HIVEP3: variants seen among roughly 807,000 people sequenced by gnomAD.
HIVEP3 encodes HIVEP zinc finger 3, also known as transcription factor HIVEP3.
Under a neutral mutation model 152.8 loss-of-function variants are expected in HIVEP3, and 49 were observed. The ratio of observed to expected loss-of-function variants is 0.32; its 90% CI spans 0.26 to 0.41. The LOEUF (loss-of-function observed/expected upper bound fraction) is 0.41. HIVEP3 is among the 10% of genes least tolerant of loss of function. HIVEP3 has a pLI of 1.00. For missense variants in HIVEP3, 2,790 were observed against 3,103.3 expected, an observed-to-expected ratio of 0.90 and a Z score of 2.40; for synonymous variants, 1,269 against 1,289.0, an observed-to-expected ratio of 0.98 and a Z score of 0.33.
At chr1:41,951,222 C>T (rs1270121425) in intron 1 of HIVEP3, among the ~76,000 whole-genome samples, 1 of 152,188 alleles carries the variant, frequency 6.6e-6, no homozygotes, top group Non-Finnish European at 1.5e-5. Flanking sequence ...GGAAAACAAG[C>T]TTACACTTCT....
Position 41,664,855 on chromosome 1 carries a change from A to G in HIVEP3, c.-720-35908T>C, listed in dbSNP as rs1645769863. ...CTGCAGCCATCAGGGAGCCTGGGAT[A>G]TCCCCATGCCAACCCCCCAAAACAC... On this transcript the variant is annotated intron_variant, in intron 2 of 8. Coordinates refer to ENST00000372583, the MANE Select transcript of HIVEP3 (RefSeq NM_024503.5). The surrounding 1 kb of genome is among the most constrained non-coding windows in gnomAD (Gnocchi z 4.4). Among the ~76,000 whole-genome samples, 1 of 152,160 alleles carries G rather than the reference A, an allele frequency of 6.6e-6. No homozygotes were observed. Among genetic ancestry groups the G allele is most frequent in the South Asian group, 2.1e-4 (1 of 4,822 alleles).
chr1:41,747,219 G>A (rs1014227532), intron 1 of HIVEP3, among the ~76,000 whole-genome samples: 13 of 152,338 alleles, frequency 8.5e-5, no homozygotes, highest in African/African-American at 2.6e-4. Context: ...AGGGCAGTGA[G>A]GGTGAGGGGT....
Position 41,580,942 on chromosome 1 carries a change from G to T in HIVEP3, c.3856C>A (p.Arg1286=), listed in dbSNP as rs12132697. The change falls in exon 4 of 9, where the codon CGG becomes AGG. Residue 1286 remains arginine, a synonymous_variant. Transcript: ENST00000372583. ...GCTGGGGGAGCCACAGGGGGTAGCCGGATGTCACTGCTGTACTCTGTGCTG... is the reference window on the plus strand; with the variant it reads ...GCTGGGGGAGCCACAGGGGGTAGCCTGATGTCACTGCTGTACTCTGTGCTG... ...SPSTEYSSDI[R]LPPVAPPASS... 381,619 of 1,611,188 alleles carry T rather than the reference G, an allele frequency of 0.24. 48,896 individuals carry two copies. The highest frequency in any genetic ancestry group is 0.27 in the Non-Finnish European group (317,444 of 1,178,728).
intron 1 of HIVEP3, among the ~76,000 whole-genome samples, chr1:41,824,784 T>TATATATAGAGAGAGAGAGAG (rs1553266584): frequency 8.8e-5 from 1 of 11,392 alleles, no homozygotes; most frequent in Non-Finnish European, 1.6e-4. Flanking sequence ...TATATATATA[T>TATATATAGAGAGAGAGAGAG]AGAGAGAGAG....
chr1:41,948,621 A>G (rs1436585657), intron 1 of HIVEP3, among the ~76,000 whole-genome samples: 7 of 152,172 alleles, frequency 4.6e-5, no homozygotes, highest in African/African-American at 1.7e-4. Context: ...CAGGAAACCA[A>G]GTCCCAGTAC....
At chr1:41,812,643 C>T (rs1469703658) in intron 1 of HIVEP3, among the ~76,000 whole-genome samples, 2 of 151,636 alleles carry the variant, frequency 1.3e-5, no homozygotes, top group Non-Finnish European at 2.9e-5. Flanking sequence ...CGCATTTATC[C>T]TGGGAAGGGA....
intron 1 of HIVEP3, among the ~76,000 whole-genome samples, chr1:41,956,111 C>T (rs1011953817): frequency 6.6e-6 from 1 of 152,244 alleles, no homozygotes; most frequent in Non-Finnish European, 1.5e-5. Flanking sequence ...CTAATGTCAA[C>T]TACTTCTTGG....
chr1:41,562,626 TCTCTCTCC>T lies in HIVEP3; in HGVS notation c.5207+12910_5207+12917del, dbSNP rs1477948293. On this transcript the variant is annotated intron_variant, in intron 5 of 8. Coordinates refer to ENST00000372583, the MANE Select transcript of HIVEP3 (RefSeq NM_024503.5). The stretch of plus-strand genomic sequence containing the variant: ...TTCTCTCTCTCTCTCTCTCTCTCTC[TCTCTCTCC>T]CTCTCTCTCTCTTTCTTTCTTTCTT... Among the ~76,000 whole-genome samples the T allele has an allele frequency of 2.2e-3, 253 of 112,696 alleles. 1 individual carries two copies. The highest frequency in any genetic ancestry group is 9.5e-3 in the African/African-American group (236 of 24,734). The allele number at this position is 112,696 out of a possible 152,430, so 73.9% of individuals were successfully genotyped here.
chr1:42,010,331 C>G (rs1645485796), intron 1 of HIVEP3, among the ~76,000 whole-genome samples: 1 of 152,178 alleles, frequency 6.6e-6, no homozygotes, highest in African/African-American at 2.4e-5. Context: ...TGTTGTTGAT[C>G]TCCCTCAGAT....
intron 1 of HIVEP3, among the ~76,000 whole-genome samples, chr1:42,006,516 A>T (rs1645460139): frequency 6.6e-6 from 1 of 151,838 alleles, no homozygotes; most frequent in Admixed American, 6.6e-5. Context: ...ACCTCATTAC[A>T]TGTTAACATA....
At chr1:41,526,509 C>T (rs565374180) in intron 5 of HIVEP3, among the ~76,000 whole-genome samples, 12 of 127,500 alleles carry the variant, frequency 9.4e-5, no homozygotes, top group Non-Finnish European at 1.9e-4. Flanking sequence ...ACACCCCTGC[C>T]GTCACACTTG....
At chr1:41,803,914 C>T (rs1187002426) in intron 1 of HIVEP3, among the ~76,000 whole-genome samples, 1 of 152,174 alleles carries the variant, frequency 6.6e-6, no homozygotes, top group Non-Finnish European at 1.5e-5. Flanking sequence ...AACCGCCTAT[C>T]GATTATGTTC....
At chr1:41,924,448 A>G (rs1455046875) in intron 1 of HIVEP3, among the ~76,000 whole-genome samples, 1 of 152,198 alleles carries the variant, frequency 6.6e-6, no homozygotes, top group Non-Finnish European at 1.5e-5. Flanking sequence ...ATTATTGCCA[A>G]CAACAATACT....
chr1:41,838,118 T>A (rs1643180389), intron 1 of HIVEP3, among the ~76,000 whole-genome samples: 2 of 152,172 alleles, frequency 1.3e-5, no homozygotes, highest in African/African-American at 4.8e-5. Context: ...ATATATATAT[T>A]TTAATTGAAC....
chr1:41,654,320 CCTT>C (rs201069185), intron 2 of HIVEP3, among the ~76,000 whole-genome samples: 2,439 of 145,202 alleles, frequency 0.017, 32 homozygotes, highest in Non-Finnish European at 0.022. Context: ...TAATTTTGCT[CCTT>C]CTCACACAGG....
At chr1:41,684,366 G>A (rs1406229785) in intron 2 of HIVEP3, among the ~76,000 whole-genome samples, 1 of 152,216 alleles carries the variant, frequency 6.6e-6, no homozygotes, top group Non-Finnish European at 1.5e-5. Flanking sequence ...TCCTTCCCAA[G>A]GCTGCAGCTG....
rs766219109 is a variant in HIVEP3, at chr1:41,580,186, A to G, written c.4612T>C (p.Ser1538Pro). Residue 1538 changes from serine (S) to proline (P), a missense_variant, in exon 4 of 9, where the codon TCT becomes CCT. Physicochemically the swap from Ser to Pro is moderately conservative, Grantham distance 74. Coordinates refer to ENST00000372583, the MANE Select transcript of HIVEP3 (RefSeq NM_024503.5). ...SEALKEYPQP[S>P]GKPHRRGLTP... ...AACCCTCTTCGGTGAGGTTTGCCAG[A>G]TGGCTGGGGATATTCCTTCAAAGCT... 1.2e-6 allele frequency: 2 copies of G among 1,612,248 alleles called. No homozygotes were observed. The highest frequency in any genetic ancestry group is 3.3e-5 in the Admixed American group (2 of 59,882).
rs74321079 is a variant in HIVEP3, at chr1:41,581,082, A to G, written c.3716T>C (p.Phe1239Ser). ...PTSSALSSGF[F>S]LPLQSQFALQ... ...TGCAAACTGGGATTGCAGAGGCAGG[A>G]AAAACCCAGAAGACAGTGCTGAGGA... The change falls in exon 4 of 9, where the codon TTC (phenylalanine) becomes TCC (serine). Residue 1239 changes from phenylalanine (F) to serine (S), a missense_variant. Physicochemically the swap from Phe to Ser is radical, Grantham distance 155. Around this residue, in one of 9 missense-constraint regions of HIVEP3, gnomAD observed 1,078 missense variants for 1,165.3 expected, o/e 0.93. Transcript: ENST00000372583. This position sits in a 1 kb window ranked among gnomAD's most constrained non-coding sequence, Gnocchi z 4.5. 5 of 1,558,504 alleles carry G rather than the reference A, an allele frequency of 3.2e-6. No individual in the cohort carries two copies. The highest frequency in any genetic ancestry group is 4.3e-6 in the Non-Finnish European group (5 of 1,151,104).
At position 41,581,144 on chromosome 1, in the gene HIVEP3, C is replaced by T; in HGVS notation, c.3654G>A (p.Arg1218=). 3 of 1,546,720 alleles carry T rather than the reference C, an allele frequency of 1.9e-6. No homozygotes were observed. The highest frequency in any genetic ancestry group is 1.3e-5 in the South Asian group (1 of 79,522). ...GCATGGGGAGGAAGGAAGGGGGCTG[C>T]CTGAAGGGGATGTTGGCTGGGTGAG... ...LMPHPANIPF[R]QPPSFLPMPY... is the part of the protein sequence containing the mutation. Residue 1218 remains arginine, a synonymous_variant, in exon 4 of 9, where the codon AGG becomes AGA. Coordinates refer to ENST00000372583, the MANE Select transcript of HIVEP3 (RefSeq NM_024503.5). The surrounding 1 kb of genome is among the most constrained non-coding windows in gnomAD (Gnocchi z 4.5).
Sources: gnomAD v4.1 joint callset for allele counts (sites outside exome capture counted in the v4.1 genomes callset) on GRCh38, gnomAD v4.1.1 for gene constraint, gnomAD v4.1.1 regional missense constraint, Gnocchi (gnomAD v3.1) non-coding constraint, MANE v1.5 for transcripts, NCBI Gene and HGNC (gene_info 2026-07-23, HGNC 2026-07-21) for gene names.